CFDP1: variants seen among roughly 807,000 people sequenced by gnomAD.
CFDP1 encodes chromatin remodeling protein CFDP1.
A neutral mutation model predicts 40.1 loss-of-function variants in CFDP1; 31 were observed. The observed-to-expected ratio is 0.77, with a 90% confidence interval of 0.58 to 1.04. CFDP1 has a LOEUF of 1.04. Ranked by LOEUF, CFDP1 falls within the 50% of genes least tolerant of loss-of-function variation. The pLI is 0.00. For missense variants in CFDP1, 423 were observed against 343.4 expected (o/e 1.23, Z -1.83); for synonymous variants, 167 against 120.0 (o/e 1.39, Z -2.56).
chr16:75,422,855 C>T (rs1436236717), intron 1 of CFDP1, among the ~76,000 whole-genome samples: 1 of 149,260 alleles, frequency 6.7e-6, no homozygotes, highest in Non-Finnish European at 1.5e-5. Flanking sequence ...CTTTTAAAAA[C>T]AAACAAACAA....
At chr16:75,315,542 A>T (rs1035658080) in intron 5 of CFDP1, among the ~76,000 whole-genome samples, 2 of 152,070 alleles carry the variant, frequency 1.3e-5, no homozygotes, top group African/African-American at 4.8e-5. Flanking sequence ...AGGAATTCCA[A>T]TATGGTCTGG....
intron 5 of CFDP1, among the ~76,000 whole-genome samples, chr16:75,341,273 T>A (rs1249576104): frequency 6.6e-6 from 1 of 152,232 alleles, no homozygotes; most frequent in Admixed American, 6.5e-5. Flanking sequence ...CTGCACCACA[T>A]ACCACCAGCT....
intron 5 of CFDP1, among the ~76,000 whole-genome samples, chr16:75,325,309 T>C (rs2078394285): frequency 6.6e-6 from 1 of 152,214 alleles, no homozygotes; most frequent in East Asian, 1.9e-4. Flanking sequence ...CAGGCATGCA[T>C]CTACCTTAGA....
At chr16:75,317,703 C>T (rs998516736) in intron 5 of CFDP1, among the ~76,000 whole-genome samples, 6 of 152,284 alleles carry the variant, frequency 3.9e-5, no homozygotes, top group African/African-American at 1.2e-4. Flanking sequence ...ACCCTGGGAG[C>T]TCAACAGAGG....
At chr16:75,338,546 T>A (rs564615596) in intron 5 of CFDP1, among the ~76,000 whole-genome samples, 2 of 152,350 alleles carry the variant, frequency 1.3e-5, no homozygotes, top group East Asian at 3.9e-4. Context: ...TGAGAACTTC[T>A]GGGTGGCTGT....
intron 5 of CFDP1, among the ~76,000 whole-genome samples, chr16:75,345,393 G>C (rs1037059111): frequency 1.3e-5 from 2 of 152,108 alleles, no homozygotes; most frequent in Non-Finnish European, 2.9e-5. Context: ...GGAAGTGCAA[G>C]TTGCAGTGAA....
chr16:75,333,186 C>T (rs541245285), intron 5 of CFDP1, among the ~76,000 whole-genome samples: 137 of 148,590 alleles, frequency 9.2e-4, no homozygotes, highest in African/African-American at 3.1e-3. Context: ...TGCAGTGGCG[C>T]GATCTCAGCT....
intron 4 of CFDP1, among the ~76,000 whole-genome samples, chr16:75,411,246 T>G (rs2079160006): frequency 6.6e-6 from 1 of 151,236 alleles, no homozygotes; most frequent in South Asian, 2.1e-4. Flanking sequence ...ACAAAAAAAC[T>G]ACAAAAGAAT....
intron 4 of CFDP1, among the ~76,000 whole-genome samples, chr16:75,402,392 T>C (rs2079063342): frequency 6.6e-6 from 1 of 152,236 alleles, no homozygotes; most frequent in Non-Finnish European, 1.5e-5. Flanking sequence ...TAGGAAAGTC[T>C]GAGCTAACTG....
intron 5 of CFDP1, among the ~76,000 whole-genome samples, chr16:75,306,934 T>C (rs1597321167): frequency 1.3e-5 from 2 of 152,074 alleles, no homozygotes; most frequent in African/African-American, 2.4e-5. Context: ...TTCACCATTT[T>C]ACCAGGAACG....
chr16:75,332,509 T>C (rs562467061), intron 5 of CFDP1, among the ~76,000 whole-genome samples: 2 of 149,938 alleles, frequency 1.3e-5, no homozygotes, highest in Non-Finnish European at 3.0e-5. Context: ...AAATAAAAAA[T>C]AAAATACAGT....
chr16:75,372,011 C>A (rs557680826), intron 5 of CFDP1, among the ~76,000 whole-genome samples: 1 of 152,172 alleles, frequency 6.6e-6, no homozygotes, highest in African/African-American at 2.4e-5. Context: ...ATTCTCAAAA[C>A]AGCTCTATGA....
intron 1 of CFDP1, among the ~76,000 whole-genome samples, chr16:75,419,949 T>C (rs984736365): frequency 2.6e-5 from 4 of 152,034 alleles, no homozygotes; most frequent in Non-Finnish European, 5.9e-5. Flanking sequence ...CTTTTCTGTA[T>C]GGATTTCCCT....
At chr16:75,369,172 T>C (rs2078735474) in intron 5 of CFDP1, among the ~76,000 whole-genome samples, 3 of 152,142 alleles carry the variant, frequency 2.0e-5, no homozygotes, top group East Asian at 1.9e-4. Flanking sequence ...CTCCTCAGTA[T>C]AGTTTTTGAA....
intron 4 of CFDP1, among the ~76,000 whole-genome samples, chr16:75,397,443 T>A (rs1319580590): frequency 6.6e-6 from 1 of 151,558 alleles, no homozygotes; most frequent in Non-Finnish European, 1.5e-5. Context: ...GAGGCAGAGG[T>A]TGCAGTGAGC....
At chr16:75,337,363 CCCT>C in intron 5 of CFDP1, among the ~76,000 whole-genome samples, 1 of 152,186 alleles carries the variant, frequency 6.6e-6, no homozygotes, top group Non-Finnish European at 1.5e-5. Context: ...TCCAAACTCT[CCCT>C]CCTCTTTTCT....
At chr16:75,357,174 A>C (rs2151529646) in intron 5 of CFDP1, among the ~76,000 whole-genome samples, 1 of 152,146 alleles carries the variant, frequency 6.6e-6, no homozygotes, top group South Asian at 2.1e-4. Context: ...TGGCCTCCCA[A>C]AGTGCTGGGA....
chr16:75,433,184 C>CT, intron 1 of CFDP1, 105 bp downstream of exon 1: 2 of 1,140,726 alleles, frequency 1.8e-6, no homozygotes, highest in Non-Finnish European at 2.5e-6. Context: ...AGGAGCCCCC[C>CT]TGGACCACCT....
At chr16:75,328,075 T>A (rs1219986044) in intron 5 of CFDP1, among the ~76,000 whole-genome samples, 1 of 151,040 alleles carries the variant, frequency 6.6e-6, no homozygotes, top group African/African-American at 2.4e-5. Context: ...GAAAGAGAAC[T>A]GGGATGTTGA....
Sources: allele counts gnomAD v4.1 joint callset (sites outside exome capture counted in the v4.1 genomes callset), GRCh38; gene constraint gnomAD v4.1.1; transcripts MANE v1.5; gene names NCBI Gene and HGNC (gene_info 2026-07-23, HGNC 2026-07-21).